Variants in PTPRM observed in about 807,000 individuals in gnomAD.
PTPRM encodes the protein receptor-type tyrosine-protein phosphatase mu.
In PTPRM, 47 loss-of-function variants were observed where a neutral mutation model predicts 186.7. The ratio of observed to expected loss-of-function variants is 0.25; its 90% CI spans 0.20 to 0.32. The LOEUF (loss-of-function observed/expected upper bound fraction) is 0.32, where lower values mean the gene tolerates loss of function less well. Among genes scored for constraint, PTPRM ranks in the 10% least tolerant of loss-of-function variants. The pLI, the probability that PTPRM is intolerant of heterozygous loss-of-function variation, is 1.00. For synonymous variants in PTPRM, 668 were observed against 674.9 expected (o/e 0.99, Z 0.16); for missense variants, 1,494 against 1,865.0 (o/e 0.80, Z 3.66).
In PTPRM at chr18:7,906,495, A is replaced by C. The variant is rs759149636; in HGVS notation, c.469-10A>C. On this transcript the variant is annotated splice_polypyrimidine_tract_variant and intron_variant, in intron 3 of 32. Transcript: ENST00000580170. ...TGAATAAATAATGTAAATCTTTCTT[A>C]ATTTTCCAGGTGATTTTTGAAGTGA... 3 of 1,595,956 alleles carry C rather than the reference A, an allele frequency of 1.9e-6. No homozygotes were observed. The African/African-American group carries it at 4.0e-5, about 21-fold the overall frequency.
intron 1 of PTPRM, among the ~76,000 whole-genome samples, chr18:7,672,177 A>G (rs2039231929): frequency 6.6e-6 from 1 of 152,228 alleles, no homozygotes; most frequent in Non-Finnish European, 1.5e-5. Flanking sequence ...GAATCAGTCT[A>G]AAGCAAAATA....
intron 31 of PTPRM, 44 bp from the exon 32 acceptor site, chr18:8,394,432 G>T (rs369567021): frequency 5.1e-6 from 8 of 1,582,264 alleles, no homozygotes; most frequent in South Asian, 1.2e-5. Context: ...AAGATGCAGT[G>T]TAAAGACAGA....
chr18:8,093,461 C>T (rs886175947), intron 11 of PTPRM, among the ~76,000 whole-genome samples: 3 of 152,098 alleles, frequency 2.0e-5, no homozygotes, highest in African/African-American at 7.2e-5. Flanking sequence ...AATCTGATAT[C>T]ATGAAAAATC....
At chr18:7,658,514 A>G (rs565226502) in intron 1 of PTPRM, among the ~76,000 whole-genome samples, 2 of 152,000 alleles carry the variant, frequency 1.3e-5, no homozygotes, top group South Asian at 4.2e-4. Flanking sequence ...ATGATACTCA[A>G]GTCACCAGCT....
chr18:7,663,510 C>T (rs2039025491), intron 1 of PTPRM, among the ~76,000 whole-genome samples: 1 of 152,094 alleles, frequency 6.6e-6, no homozygotes, highest in African/African-American at 2.4e-5. Flanking sequence ...AATCAGCCAC[C>T]CCAGACTCAG....
chr18:7,833,780 AAC>A (rs1345663351), intron 2 of PTPRM, among the ~76,000 whole-genome samples: 49 of 128,692 alleles, frequency 3.8e-4, no homozygotes, highest in African/African-American at 1.4e-3. Flanking sequence ...CAACAACAAC[AAC>A]AAAAGCAATG....
intron 2 of PTPRM, among the ~76,000 whole-genome samples, chr18:7,848,269 G>A (rs1002699534): frequency 3.3e-5 from 5 of 152,162 alleles, no homozygotes; most frequent in African/African-American, 1.2e-4. Flanking sequence ...TTTTGGAGTT[G>A]AGATTGGCCA....
At chr18:7,763,400 TTC>T (rs1367716814) in intron 1 of PTPRM, among the ~76,000 whole-genome samples, 1 of 152,202 alleles carries the variant, frequency 6.6e-6, no homozygotes, top group Non-Finnish European at 1.5e-5. Flanking sequence ...AATGTATGAT[TTC>T]TCTGTCATAT....
chr18:8,389,061 C>T (rs951117661), intron 31 of PTPRM, among the ~76,000 whole-genome samples: 1 of 152,202 alleles, frequency 6.6e-6, no homozygotes, highest in African/African-American at 2.4e-5. Context: ...GATCCAACCT[C>T]TGATCAGAAC....
At chr18:8,278,271 T>C (rs1036547278) in intron 19 of PTPRM, among the ~76,000 whole-genome samples, 4 of 152,252 alleles carry the variant, frequency 2.6e-5, no homozygotes, top group Admixed American at 1.3e-4. Context: ...CTGTTGTCTC[T>C]GCAGCTGAAC....
At chr18:8,090,559 C>T (rs560517789) in intron 11 of PTPRM, among the ~76,000 whole-genome samples, 131 of 152,210 alleles carry the variant, frequency 8.6e-4, no homozygotes, top group African/African-American at 3.0e-3. Context: ...GATTTTCATT[C>T]GCATCTTTGT....
intron 1 of PTPRM, among the ~76,000 whole-genome samples, chr18:7,606,830 C>A (rs983262666): frequency 1.3e-5 from 2 of 152,210 alleles, no homozygotes; most frequent in Non-Finnish European, 2.9e-5. Context: ...GTCTGCCTTA[C>A]AGATGCTGGA....
intron 14 of PTPRM, among the ~76,000 whole-genome samples, chr18:8,172,808 A>G (rs906853009): frequency 1.3e-5 from 2 of 152,180 alleles, no homozygotes; most frequent in African/African-American, 4.8e-5. Flanking sequence ...TTGCTTTAAG[A>G]TCATCTCACC....
At chr18:8,355,651 A>G (rs941148293) in intron 23 of PTPRM, among the ~76,000 whole-genome samples, 4 of 152,208 alleles carry the variant, frequency 2.6e-5, no homozygotes, top group African/African-American at 7.2e-5. Flanking sequence ...TAACAAGGAA[A>G]AGGTTACTGG....
intron 1 of PTPRM, among the ~76,000 whole-genome samples, chr18:7,652,207 C>T (rs1598301170): frequency 6.6e-6 from 1 of 152,322 alleles, no homozygotes; most frequent in East Asian, 1.9e-4. Flanking sequence ...AATGAGATAT[C>T]ATCTAACACC....
chr18:7,883,198 T>A (rs920270103), intron 2 of PTPRM, among the ~76,000 whole-genome samples: 1 of 152,200 alleles, frequency 6.6e-6, no homozygotes, highest in Admixed American at 6.5e-5. Flanking sequence ...TGAATTATGA[T>A]TTTTTAAAAA....
intron 1 of PTPRM, among the ~76,000 whole-genome samples, chr18:7,644,404 A>T (rs375859357): frequency 6.6e-6 from 1 of 152,206 alleles, no homozygotes; most frequent in African/African-American, 2.4e-5. Context: ...ATGCCCACCC[A>T]TGCTAAACAC....
intron 1 of PTPRM, among the ~76,000 whole-genome samples, chr18:7,750,814 C>T (rs910346272): frequency 2.6e-5 from 4 of 152,250 alleles, no homozygotes; most frequent in African/African-American, 4.8e-5. Flanking sequence ...ACTCCCAATG[C>T]GGCTATGCAT....
intron 4 of PTPRM, among the ~76,000 whole-genome samples, chr18:7,912,150 C>A (rs1249105114): frequency 6.6e-6 from 1 of 152,066 alleles, no homozygotes; most frequent in Admixed American, 6.5e-5. Flanking sequence ...CTGTGCCCGT[C>A]CTATAGTTTC....
Sources: gnomAD v4.1 joint callset for allele counts (sites outside exome capture counted in the v4.1 genomes callset) on GRCh38, gnomAD v4.1.1 for gene constraint, MANE v1.5 for transcripts, NCBI Gene and HGNC (gene_info 2026-07-23, HGNC 2026-07-21) for gene names.